The following ITGB3BP variants were observed in gnomAD, a reference collection of about 807,000 sequenced individuals.
The protein encoded by ITGB3BP is integrin subunit beta 3 binding protein.
ITGB3BP carries 27 observed loss-of-function variants against 29.1 expected under a neutral mutation model. The observed-to-expected ratio is 0.93, with a 90% confidence interval of 0.68 to 1.28. The LOEUF (loss-of-function observed/expected upper bound fraction) is 1.28. ITGB3BP is among the 50% of genes most tolerant of loss of function. The probability of loss-of-function intolerance (pLI) is 0.00; values close to 1 mark genes in which losing one functional copy is unlikely to be tolerated. For missense variants in ITGB3BP, 192 were observed against 200.2 expected (o/e 0.96, Z 0.25); for synonymous variants, 61 against 61.4 (o/e 0.99, Z 0.03).
chr1:63,512,006 T>C (rs1009597672), intron 1 of ITGB3BP, among the ~76,000 whole-genome samples: 2 of 152,088 alleles, frequency 1.3e-5, no homozygotes, highest in African/African-American at 4.8e-5. Context: ...ACTTATTGTG[T>C]CCTAATTACC....
chr1:63,496,957 A>G (rs898663013), intron 2 of ITGB3BP, among the ~76,000 whole-genome samples: 12 of 152,224 alleles, frequency 7.9e-5, no homozygotes, highest in African/African-American at 2.9e-4. Context: ...CTCTAATCCT[A>G]GAGTACTAGA....
intron 4 of ITGB3BP, among the ~76,000 whole-genome samples, chr1:63,474,928 AAAC>A (rs1645307191): frequency 6.6e-6 from 1 of 150,572 alleles, no homozygotes; most frequent in Non-Finnish European, 1.5e-5. Context: ...AAACAAAACA[AAAC>A]AAAAACAAAA....
chr1:63,498,177 A>G (rs1194413632), intron 2 of ITGB3BP, among the ~76,000 whole-genome samples: 2 of 152,172 alleles, frequency 1.3e-5, no homozygotes, highest in East Asian at 3.9e-4. Flanking sequence ...AAGGAAACAG[A>G]AAATTTGAAT....
chr1:63,444,709 T>C (rs1644770409), intron 8 of ITGB3BP, among the ~76,000 whole-genome samples: 1 of 150,338 alleles, frequency 6.7e-6, no homozygotes, highest in Non-Finnish European at 1.5e-5. Flanking sequence ...TATTTATATA[T>C]TATCCTTACT....
chr1:63,494,993 G>C (rs1645752315), intron 2 of ITGB3BP, among the ~76,000 whole-genome samples: 1 of 152,052 alleles, frequency 6.6e-6, no homozygotes. Flanking sequence ...TTTTTTTAGA[G>C]ACAGGGTCTT....
At chr1:63,489,811 C>T (rs1484930825) in intron 3 of ITGB3BP, among the ~76,000 whole-genome samples, 8 of 152,018 alleles carry the variant, frequency 5.3e-5, no homozygotes, top group African/African-American at 1.9e-4. Flanking sequence ...ATATCTGTAA[C>T]CATTATAATT....
chr1:63,472,897 C>T (rs1011805922), intron 4 of ITGB3BP, among the ~76,000 whole-genome samples: 1 of 152,116 alleles, frequency 6.6e-6, no homozygotes, highest in African/African-American at 2.4e-5. Flanking sequence ...CAGCCGCCAC[C>T]CCGTCTGGGA....
chr1:63,467,549 A>ATTG (rs1645120336), intron 4 of ITGB3BP, among the ~76,000 whole-genome samples: 1 of 149,976 alleles, frequency 6.7e-6, no homozygotes, highest in Non-Finnish European at 1.5e-5. Flanking sequence ...TGATTGATTG[A>ATTG]ATGTAGAGAT....
chr1:63,510,245 T>G, intron 1 of ITGB3BP: 1 of 419,706 alleles, frequency 2.4e-6, no homozygotes. Flanking sequence ...CAGTACAGCA[T>G]TTCTTATCCT....
At position 63,503,655 on chromosome 1, in the gene ITGB3BP, T is replaced by G. The variant is rs931513587; in HGVS notation, c.48+4873A>C. On this transcript the variant is annotated intron_variant, in intron 2 of 8. Coordinates refer to ENST00000271002, the MANE Select transcript of ITGB3BP (RefSeq NM_014288.5). The stretch of plus-strand genomic sequence containing the variant: ...GTTTTTATGGTTTTAGGTCTAACAT[T>G]TAAGTCTTTAATCCATCTTGAATTA... 1.1e-4 allele frequency among the ~76,000 whole-genome samples: 16 copies of G among 152,200 alleles called. No homozygotes were observed. The South Asian group carries it at 1.4e-3, about 14-fold the overall frequency.
intron 2 of ITGB3BP, among the ~76,000 whole-genome samples, chr1:63,503,553 T>C (rs1411662825): frequency 2.0e-5 from 3 of 152,224 alleles, no homozygotes; most frequent in Non-Finnish European, 2.9e-5. Flanking sequence ...TTGTTGCCCA[T>C]TGCTTTTGGT....
chr1:63,506,700 C>T (rs745416265), intron 2 of ITGB3BP, among the ~76,000 whole-genome samples: 2 of 152,106 alleles, frequency 1.3e-5, no homozygotes, highest in Non-Finnish European at 2.9e-5. Context: ...CTGGATATGG[C>T]CATTGCTTAG....
At chr1:63,510,340 TTTG>T (rs1457461411) in intron 1 of ITGB3BP, among the ~76,000 whole-genome samples, 1 of 152,028 alleles carries the variant, frequency 6.6e-6, no homozygotes, top group Non-Finnish European at 1.5e-5. Context: ...AAAATATTGC[TTTG>T]TTATCAATGG....
intron 1 of ITGB3BP, chr1:63,510,114 C>T (rs1446901602): frequency 1.3e-5 from 8 of 631,542 alleles, no homozygotes; most frequent in East Asian, 6.0e-5. Flanking sequence ...CGCTTGAACG[C>T]GGGAAGCAGA....
chr1:63,472,006 A>G (rs918642637), intron 4 of ITGB3BP, among the ~76,000 whole-genome samples: 5 of 150,300 alleles, frequency 3.3e-5, no homozygotes, highest in Non-Finnish European at 7.4e-5. Context: ...GCTGGTCTCA[A>G]GCTCCTAGAC....
chr1:63,496,554 T>C (rs1375506569), intron 2 of ITGB3BP, among the ~76,000 whole-genome samples: 1 of 152,220 alleles, frequency 6.6e-6, no homozygotes, highest in African/African-American at 2.4e-5. Context: ...TTTTATACTT[T>C]GTTGTGAGGT....
chr1:63,480,961 T>C (rs1011246211), intron 3 of ITGB3BP, among the ~76,000 whole-genome samples: 1 of 152,088 alleles, frequency 6.6e-6, no homozygotes, highest in South Asian at 2.1e-4. Flanking sequence ...AAAACCCAAA[T>C]TGTACCTTAA....
chr1:63,486,476 T>C (rs1570234588), intron 3 of ITGB3BP, among the ~76,000 whole-genome samples: 1 of 152,044 alleles, frequency 6.6e-6, no homozygotes, highest in African/African-American at 2.4e-5. Flanking sequence ...ATATGTATTA[T>C]ATTGTGTATT....
rs1335113212 is a variant in ITGB3BP, at chr1:63,453,958, T to C, written c.444A>G (p.Lys148=). Residue 148 remains lysine, a synonymous_variant, in exon 7 of 9, where the codon AAA becomes AAG. Coordinates refer to ENST00000271002, the MANE Select transcript of ITGB3BP (RefSeq NM_014288.5). ...KTKELMTKVN[K]QKLFEKSTGL... ...CTGTACTCTTTTCAAACAGTTTTTG[T>C]TTATTCACTTTTGTCACTAAAAGAA... 1 of 1,578,352 alleles carries C rather than the reference T, an allele frequency of 6.3e-7. No homozygotes were observed. Among genetic ancestry groups the C allele is most frequent in the East Asian group, 2.3e-5 (1 of 44,104 alleles).
Sources: allele counts gnomAD v4.1 joint callset (sites outside exome capture counted in the v4.1 genomes callset), GRCh38; gene constraint gnomAD v4.1.1; transcripts MANE v1.5; gene names NCBI Gene and HGNC (gene_info 2026-07-23, HGNC 2026-07-21).